Variants in FAM117B observed in about 807,000 individuals in gnomAD.
FAM117B encodes family with sequence similarity 117 member B.
A neutral mutation model predicts 52.8 loss-of-function variants in FAM117B; 22 were observed. The observed-to-expected ratio is 0.42, with a 90% CI of 0.30 to 0.59. The LOEUF (loss-of-function observed/expected upper bound fraction) is 0.59, where lower values mean the gene tolerates loss of function less well. Ranked by LOEUF, FAM117B falls within the 20% of genes least tolerant of loss-of-function variation. FAM117B has a pLI of 0.22. For synonymous variants in FAM117B, 309 were observed against 324.1 expected, an observed-to-expected ratio of 0.95 and a Z score of 0.50; for missense variants, 678 against 802.6, an observed-to-expected ratio of 0.84 and a Z score of 1.88.
chr2:202,757,062 T>A, intron 5 of FAM117B, 151 bp from the exon 6 acceptor site: 1 of 789,182 alleles, frequency 1.3e-6, no homozygotes, highest in South Asian at 1.9e-5. Flanking sequence ...GACAGGGATG[T>A]CACTAACGTG....
At chr2:202,668,850 A>C (rs923079768) in intron 1 of FAM117B, among the ~76,000 whole-genome samples, 1 of 152,124 alleles carries the variant, frequency 6.6e-6, no homozygotes, top group African/African-American at 2.4e-5. Context: ...TAAGTAATTT[A>C]ATGTTTCAGA....
At chr2:202,670,598 T>C (rs1370200906) in intron 1 of FAM117B, among the ~76,000 whole-genome samples, 2 of 152,188 alleles carry the variant, frequency 1.3e-5, no homozygotes, top group Non-Finnish European at 2.9e-5. Context: ...TACTTTCTAG[T>C]GTAGAGACTT....
intron 1 of FAM117B, among the ~76,000 whole-genome samples, chr2:202,678,170 A>G (rs901943073): frequency 2.0e-5 from 3 of 152,214 alleles, no homozygotes; most frequent in Non-Finnish European, 2.9e-5. Context: ...AATTGGATAA[A>G]ATGACACAGA....
rs763234075 is a variant in FAM117B, at chr2:202,739,701, C to T, written c.960+13338C>T. Among the ~76,000 whole-genome samples, 11 of 152,110 alleles carry T rather than the reference C, an allele frequency of 7.2e-5. No individual in the cohort carries two copies. In the East Asian group the frequency reaches 1.7e-3, roughly 24 times the overall value. ...CGAAGTCTGGTCCTTAAGCAGTCCTCCCTCGGACTCAGCCTCCCAAAGTCC... is the reference window on the plus strand; with the variant it reads ...CGAAGTCTGGTCCTTAAGCAGTCCTTCCTCGGACTCAGCCTCCCAAAGTCC... On this transcript the variant is annotated intron_variant, in intron 4 of 7. Coordinates refer to ENST00000392238, the MANE Select transcript of FAM117B (RefSeq NM_173511.4).
At chr2:202,647,431 T>C (rs554921799) in intron 1 of FAM117B, among the ~76,000 whole-genome samples, 22 of 152,338 alleles carry the variant, frequency 1.4e-4, no homozygotes, top group Admixed American at 9.8e-4. Flanking sequence ...AACGTGTATA[T>C]ATATTTTTTT....
intron 2 of FAM117B, among the ~76,000 whole-genome samples, chr2:202,701,560 G>A (rs1293687968): frequency 6.6e-6 from 1 of 152,210 alleles, no homozygotes; most frequent in Non-Finnish European, 1.5e-5. Context: ...AAATGGAAAA[G>A]CTTTTGGAAA....
At chr2:202,644,064 G>GTTTGTTTTT (rs1689816805) in intron 1 of FAM117B, among the ~76,000 whole-genome samples, 21 of 95,132 alleles carry the variant, frequency 2.2e-4, no homozygotes, top group African/African-American at 8.1e-4. Context: ...TTTTTTTTTT[G>GTTTGTTTTT]TTTTTTTTTT....
At chr2:202,714,968 G>A (rs577907110) in intron 2 of FAM117B, among the ~76,000 whole-genome samples, 1,538 of 151,690 alleles carry the variant, frequency 0.01, 21 homozygotes, top group African/African-American at 0.035. Flanking sequence ...CGATTTCTCA[G>A]TCTTTTCCCC....
intron 1 of FAM117B, among the ~76,000 whole-genome samples, 196 bp downstream of exon 1, chr2:202,635,984 C>G (rs1689679915): frequency 6.7e-6 from 1 of 149,088 alleles, no homozygotes; most frequent in Admixed American, 6.6e-5. Flanking sequence ...GCCCCGCCCG[C>G]CCGCCCGCCT....
chr2:202,762,077 G>A (rs913455788), intron 7 of FAM117B, among the ~76,000 whole-genome samples: 5 of 152,170 alleles, frequency 3.3e-5, no homozygotes, highest in East Asian at 1.9e-4. Context: ...TTTTGTCCCA[G>A]ATATGTCAAA....
At chr2:202,714,501 A>G (rs970293030) in intron 2 of FAM117B, among the ~76,000 whole-genome samples, 4 of 142,484 alleles carry the variant, frequency 2.8e-5, no homozygotes, top group East Asian at 4.0e-4. Context: ...TTGGGTGCAT[A>G]TATATTTACA....
Position 202,740,173 on chromosome 2 carries a change from C to CAA in FAM117B, c.960+13810_960+13811insAA, listed in dbSNP as rs1358404767. Among the ~76,000 whole-genome samples the CAA allele has an allele frequency of 4.2e-3, 291 of 69,676 alleles. 73 individuals carry two copies. Among genetic ancestry groups the CAA allele is most frequent in the African/African-American group, 0.013 (234 of 17,462 alleles). 45.7% of individuals were successfully genotyped at this position (69,676 alleles called of 152,430 possible). On this transcript the variant is annotated intron_variant, in intron 4 of 7. Transcript: ENST00000392238. ...GGAGGACAGAGCGAGACTTCATCCC[C>CAA]CAAAAAAAAAAAAAAAAAAAAAAAA...
At chr2:202,746,009 C>T (rs769120935) in intron 4 of FAM117B, among the ~76,000 whole-genome samples, 1 of 152,136 alleles carries the variant, frequency 6.6e-6, no homozygotes, top group African/African-American at 2.4e-5. Flanking sequence ...TTGGAGACTT[C>T]AAGACCTCAC....
rs1007769590 is a variant in FAM117B at position 202,767,694 on chromosome 2, G to C, written c.*1930G>C. The C allele has an allele frequency of 2.0e-5, 3 of 152,088 alleles. No homozygotes were observed. Among genetic ancestry groups the C allele is most frequent in the Admixed American group, 6.5e-5 (1 of 15,268 alleles). The allele number at this position is 152,088 out of a possible 1,614,324, so 9.4% of individuals were successfully genotyped here. On this transcript the variant is annotated 3_prime_UTR_variant, in exon 8 of 8. Transcript: ENST00000392238. Reference sequence around the variant, plus strand: ...ACCTAGTGGTAGCAATAAATCTTTGGAAAGGACTTCTTATACTCATGTACC... The same window carrying C: ...ACCTAGTGGTAGCAATAAATCTTTGCAAAGGACTTCTTATACTCATGTACC...
chr2:202,696,648 T>C (rs1216176211), intron 2 of FAM117B, among the ~76,000 whole-genome samples: 1 of 152,182 alleles, frequency 6.6e-6, no homozygotes, highest in Non-Finnish European at 1.5e-5. Context: ...CCTTCATGTT[T>C]CGGGAGATGG....
At chr2:202,730,723 T>C (rs1243464189) in intron 4 of FAM117B, among the ~76,000 whole-genome samples, 2 of 152,168 alleles carry the variant, frequency 1.3e-5, no homozygotes. Context: ...AGTTTATCTA[T>C]CTACCTCAGC....
At chr2:202,648,820 T>G (rs6435160) in intron 1 of FAM117B, among the ~76,000 whole-genome samples, 151,537 of 151,864 alleles carry the variant, frequency 1, 75,606 homozygotes, top group East Asian at 1. Flanking sequence ...GGAGTGCAGT[T>G]GGGTGATCTT....
At chr2:202,644,859 C>T (rs1234866566) in intron 1 of FAM117B, among the ~76,000 whole-genome samples, 1 of 152,154 alleles carries the variant, frequency 6.6e-6, no homozygotes, top group Non-Finnish European at 1.5e-5. Context: ...AGGGTTACCA[C>T]CATTCTGAAA....
chr2:202,746,075 A>C (rs1691627058), intron 4 of FAM117B, among the ~76,000 whole-genome samples: 1 of 152,200 alleles, frequency 6.6e-6, no homozygotes, highest in South Asian at 2.1e-4. Context: ...CATTGCACTT[A>C]ATCTGCACTG....
Sources: allele counts gnomAD v4.1 joint callset (sites outside exome capture counted in the v4.1 genomes callset), GRCh38; gene constraint gnomAD v4.1.1; transcripts MANE v1.5; gene names NCBI Gene and HGNC (gene_info 2026-07-23, HGNC 2026-07-21).